SLC8A1: variants seen among roughly 807,000 people sequenced by gnomAD.
SLC8A1 encodes solute carrier family 8 member A1.
Under a neutral mutation model 68.3 loss-of-function variants are expected in SLC8A1, and 18 were observed. That is an observed-to-expected ratio of 0.26 (90% confidence interval 0.18 to 0.39). SLC8A1 has a LOEUF of 0.39. Among genes scored for constraint, SLC8A1 ranks in the 10% least tolerant of loss-of-function variants. The pLI, the probability that SLC8A1 is intolerant of heterozygous loss-of-function variation, is 1.00. For missense variants in SLC8A1, 985 were observed against 1,156.7 expected, an observed-to-expected ratio of 0.85 and a Z score of 2.15; for synonymous variants, 475 against 415.5, an observed-to-expected ratio of 1.14 and a Z score of -1.74.
intron 2 of SLC8A1, among the ~76,000 whole-genome samples, chr2:40,276,667 G>T (rs2066738935): frequency 6.6e-6 from 1 of 152,064 alleles, no homozygotes; most frequent in African/African-American, 2.4e-5. Flanking sequence ...TTCTTTCCTT[G>T]ACTTATTTGG....
At chr2:40,459,437 C>T (rs1221117420) in intron 1 of SLC8A1, among the ~76,000 whole-genome samples, 12 of 152,030 alleles carry the variant, frequency 7.9e-5, no homozygotes. Context: ...GAATTCCTGC[C>T]TCAAAGCCAT....
intron 1 of SLC8A1, among the ~76,000 whole-genome samples, chr2:40,499,419 A>T (rs183889770): frequency 6.6e-6 from 1 of 152,138 alleles, no homozygotes; most frequent in African/African-American, 2.4e-5. Context: ...AATCACTGAG[A>T]AAAGTGTCTG....
At chr2:40,415,901 CACACACACACAT>C (rs1198422496) in intron 2 of SLC8A1, among the ~76,000 whole-genome samples, 15 of 140,646 alleles carry the variant, frequency 1.1e-4, no homozygotes, top group African/African-American at 4.3e-4. Flanking sequence ...CACACACACA[CACACACACACAT>C]TAGCTGGGCG....
At chr2:40,326,065 C>G (rs1018867207) in intron 2 of SLC8A1, among the ~76,000 whole-genome samples, 3 of 152,112 alleles carry the variant, frequency 2.0e-5, no homozygotes, top group Admixed American at 6.6e-5. Context: ...CACCTTCTAT[C>G]AGCAGCTGTG....
chr2:40,164,359 T>A (rs1303797329), intron 5 of SLC8A1, among the ~76,000 whole-genome samples: 1 of 152,204 alleles, frequency 6.6e-6, no homozygotes, highest in Admixed American at 6.5e-5. Flanking sequence ...TAAAATGTCC[T>A]TGGATCTGAA....
chr2:40,259,426 C>A (rs1217057441), intron 2 of SLC8A1, among the ~76,000 whole-genome samples: 1 of 152,202 alleles, frequency 6.6e-6, no homozygotes, highest in Non-Finnish European at 1.5e-5. Context: ...CCATTTCTTT[C>A]TATCCCATTG....
At chr2:40,330,834 G>A (rs751466004) in intron 2 of SLC8A1, among the ~76,000 whole-genome samples, 2 of 152,144 alleles carry the variant, frequency 1.3e-5, no homozygotes, top group African/African-American at 2.4e-5. Context: ...CAAATGGCAA[G>A]ATTTACTGCC....
At chr2:40,448,052 A>T (rs969585865) in intron 1 of SLC8A1, among the ~76,000 whole-genome samples, 3 of 152,244 alleles carry the variant, frequency 2.0e-5, no homozygotes, top group Admixed American at 2.0e-4. Context: ...TAGTCTCTGC[A>T]AAGAGAACTT....
At chr2:40,332,855 A>C (rs1383025177) in intron 2 of SLC8A1, among the ~76,000 whole-genome samples, 1 of 152,250 alleles carries the variant, frequency 6.6e-6, no homozygotes, top group African/African-American at 2.4e-5. Context: ...ATTTTAAATA[A>C]ATCCTTTTGA....
rs576418623 is a variant in SLC8A1 at position 40,258,579 on chromosome 2, ACCTGCAATC to A, written c.1809-80733_1809-80725del. On this transcript the variant is annotated intron_variant, in intron 2 of 7. Transcript: ENST00000406785. ...TACTGGCCGGGCACTGGTGGCTCACACCTGCAATCCCAGCATTTTGGGAGGCTGAAGACA... is the reference window on the plus strand; with the variant it reads ...TACTGGCCGGGCACTGGTGGCTCACACCAGCATTTTGGGAGGCTGAAGACA... Among the ~76,000 whole-genome samples, 1,103 of 152,186 alleles carry A rather than the reference ACCTGCAATC, an allele frequency of 7.2e-3. 2 individuals carry two copies. The highest frequency in any genetic ancestry group is 0.012 in the Non-Finnish European group (799 of 68,012).
At chr2:40,368,287 A>G (rs1676903192) in intron 2 of SLC8A1, among the ~76,000 whole-genome samples, 1 of 152,070 alleles carries the variant, frequency 6.6e-6, no homozygotes, top group African/African-American at 2.4e-5. Flanking sequence ...ATTTACAATA[A>G]TATCATAAAA....
At chr2:40,381,033 C>G (rs77167452) in intron 2 of SLC8A1, among the ~76,000 whole-genome samples, 3,532 of 152,110 alleles carry the variant, frequency 0.023, 58 homozygotes, top group Middle Eastern at 0.037. Context: ...TAGGATTGGT[C>G]AATTCCCCAA....
exon 8 of SLC8A1, chr2:40,104,578 C>CA (rs1302590925): frequency 6.6e-6 from 1 of 152,016 alleles, no homozygotes; most frequent in Non-Finnish European, 1.5e-5. Flanking sequence ...AAATGTAGAC[C>CA]AAAATGGAAG....
chr2:40,240,920 A>C (rs544976423), intron 2 of SLC8A1, among the ~76,000 whole-genome samples: 1 of 152,360 alleles, frequency 6.6e-6, no homozygotes, highest in East Asian at 1.9e-4. Context: ...CTTTTAAAAT[A>C]GAGACAATAA....
At chr2:40,443,846 A>C (rs963744906) in intron 1 of SLC8A1, among the ~76,000 whole-genome samples, 1 of 152,184 alleles carries the variant, frequency 6.6e-6, no homozygotes, top group Non-Finnish European at 1.5e-5. Context: ...AGTGCCATCT[A>C]TAATATAACA....
chr2:40,340,882 C>G (rs961020626), intron 2 of SLC8A1, among the ~76,000 whole-genome samples: 1 of 152,172 alleles, frequency 6.6e-6, no homozygotes, highest in African/African-American at 2.4e-5. Context: ...CCTCTCTCTA[C>G]CCAAATACAC....
intron 2 of SLC8A1, chr2:40,195,778 G>C (rs2052860253): frequency 6.6e-6 from 1 of 152,016 alleles, no homozygotes; most frequent in African/African-American, 2.4e-5. Flanking sequence ...TGAAGACGAA[G>C]TATCTGGATG....
At chr2:40,294,833 C>T (rs992377849) in intron 2 of SLC8A1, among the ~76,000 whole-genome samples, 1 of 152,040 alleles carries the variant, frequency 6.6e-6, no homozygotes, top group East Asian at 1.9e-4. Context: ...TGTTTCCTAA[C>T]AATTAAAACA....
Position 40,188,853 on chromosome 2 carries a change from C to T in SLC8A1, c.1809-10998G>A, listed in dbSNP as rs538786396. 5.3e-5 allele frequency among the ~76,000 whole-genome samples: 8 copies of T among 152,316 alleles called. No homozygotes were observed. The South Asian group carries it at 1.2e-3, about 24-fold the overall frequency. On this transcript the variant is annotated intron_variant, in intron 2 of 7. Coordinates refer to ENST00000406785, the Ensembl canonical transcript of SLC8A1. ...AAATCAATCTCTGTCTGCATGTACT[C>T]TTGTAAAACATTCTTAAAGATGGAT...
Sources: allele counts gnomAD v4.1 joint callset (sites outside exome capture counted in the v4.1 genomes callset), GRCh38; gene constraint gnomAD v4.1.1; transcripts MANE v1.5; gene names NCBI Gene and HGNC (gene_info 2026-07-23, HGNC 2026-07-21).